MAP2K3: variants seen among roughly 807,000 people sequenced by gnomAD.
The protein encoded by MAP2K3 is dual specificity mitogen-activated protein kinase kinase 3.
In MAP2K3, 30 loss-of-function variants were observed where a neutral mutation model predicts 46.4. The ratio of observed to expected loss-of-function variants is 0.65; its 90% CI spans 0.48 to 0.88. The LOEUF (loss-of-function observed/expected upper bound fraction) is 0.88, where lower values mean the gene tolerates loss of function less well. Ranked by LOEUF, MAP2K3 falls within the 40% of genes least tolerant of loss-of-function variation. The pLI, the probability that MAP2K3 is intolerant of heterozygous loss-of-function variation, is 0.00. For missense variants in MAP2K3, 380 were observed against 464.5 expected (o/e 0.82, Z 1.67); for synonymous variants, 189 against 176.3 (o/e 1.07, Z -0.57).
intron 1 of MAP2K3, chr17:21,287,913 A>AC (rs1203612218): frequency 7.7e-6 from 5 of 651,882 alleles, no homozygotes; most frequent in East Asian, 1.3e-4. Flanking sequence ...TGCTGTGGCC[A>AC]CCCCCCCAAC....
intron 4 of MAP2K3, 46 bp downstream of exon 4, chr17:21,300,704 G>A (rs548881323): frequency 1.5e-5 from 24 of 1,594,818 alleles, no homozygotes; most frequent in East Asian, 1.1e-4. Context: ...TGGAGGAGGC[G>A]GGCTGAGCTC....
At chr17:21,300,405 G>A (rs1976525840) in intron 3 of MAP2K3, 140 bp from the exon 4 acceptor site, 1 of 844,044 alleles carries the variant, frequency 1.2e-6, no homozygotes, top group South Asian at 1.6e-5. Flanking sequence ...GGGTCACACA[G>A]CAGGGAGCGG....
chr17:21,292,128 A>C (rs1414092805), intron 1 of MAP2K3, among the ~76,000 whole-genome samples: 1 of 152,310 alleles, frequency 6.6e-6, no homozygotes, highest in Non-Finnish European at 1.5e-5. Context: ...TGCACTGGAC[A>C]GTCTCTGGGG....
intron 7 of MAP2K3, among the ~76,000 whole-genome samples, chr17:21,303,618 C>T (rs377343959): frequency 6.6e-6 from 1 of 152,312 alleles, no homozygotes; most frequent in Non-Finnish European, 1.5e-5. Flanking sequence ...TCCCTGCCAT[C>T]CCCCATGTGC....
intron 1 of MAP2K3, chr17:21,291,589 A>T (rs1567658678): frequency 2.2e-6 from 1 of 456,404 alleles, no homozygotes; most frequent in Admixed American, 2.3e-5. Context: ...GCTGAGCATC[A>T]CTTGTGGGTC....
intron 1 of MAP2K3, chr17:21,285,214 A>G (rs1378615324): frequency 1.0e-6 from 1 of 984,038 alleles, no homozygotes; most frequent in Non-Finnish European, 1.2e-6. Flanking sequence ...CCAGACTAGG[A>G]CTTTGTTCTG....
At chr17:21,300,789 C>T (rs998216318) in intron 4 of MAP2K3, 85 bp from the exon 5 acceptor site, 10 of 1,610,266 alleles carry the variant, frequency 6.2e-6, no homozygotes, top group African/African-American at 5.3e-5. Flanking sequence ...TGGGCAGTGG[C>T]CCCCTGAGCT....
intron 1 of MAP2K3, 81 bp from the exon 2 acceptor site, chr17:21,298,332 C>G: frequency 6.3e-7 from 1 of 1,591,558 alleles, no homozygotes; most frequent in Non-Finnish European, 8.6e-7. Flanking sequence ...CCTTGTGGGC[C>G]AGGGCCTGAT....
At chr17:21,288,627 A>G (rs1436212036) in intron 1 of MAP2K3, among the ~76,000 whole-genome samples, 1 of 152,190 alleles carries the variant, frequency 6.6e-6, no homozygotes, top group East Asian at 1.9e-4. Flanking sequence ...GCACTCTGTA[A>G]ATGATTTCTG....
At chr17:21,288,412 T>C (rs1975785195) in intron 1 of MAP2K3, among the ~76,000 whole-genome samples, 1 of 152,232 alleles carries the variant, frequency 6.6e-6, no homozygotes, top group African/African-American at 2.4e-5. Flanking sequence ...CACCTCAGGT[T>C]CAGCTGTGCA....
intron 9 of MAP2K3, among the ~76,000 whole-genome samples, chr17:21,309,700 G>T (rs1273397527): frequency 6.6e-6 from 1 of 151,862 alleles, no homozygotes; most frequent in Non-Finnish European, 1.5e-5. Flanking sequence ...TGCAACCTCC[G>T]CCTCCCAGGT....
At chr17:21,291,318 G>GAATAC (rs1567658279) in intron 1 of MAP2K3, 15 of 56,502 alleles carry the variant, frequency 2.7e-4, no homozygotes, top group South Asian at 6.7e-4. Flanking sequence ...CAATACAATA[G>GAATAC]AATACAATAG....
chr17:21,296,472 C>G (rs979734207), intron 1 of MAP2K3, among the ~76,000 whole-genome samples: 80 of 152,382 alleles, frequency 5.2e-4, no homozygotes, highest in African/African-American at 1.8e-3. Context: ...TTGTTGAGCA[C>G]GAGACTTGGG....
At chr17:21,304,179 G>A (rs1164685649) in intron 7 of MAP2K3, among the ~76,000 whole-genome samples, 5 of 152,306 alleles carry the variant, frequency 3.3e-5, no homozygotes, top group East Asian at 1.9e-4. Context: ...TGCAGTGGCC[G>A]GGCCGGGCTG....
chr17:21,295,246 C>T (rs1976173509), intron 1 of MAP2K3, among the ~76,000 whole-genome samples: 1 of 152,312 alleles, frequency 6.6e-6, no homozygotes, highest in East Asian at 1.9e-4. Flanking sequence ...TAGGGCAGAG[C>T]TGCCACGGCC....
chr17:21,310,000 G>GT (rs1189519097), intron 9 of MAP2K3, among the ~76,000 whole-genome samples: 10 of 149,094 alleles, frequency 6.7e-5, no homozygotes, highest in South Asian at 4.3e-4. Context: ...TTTGTTTTTT[G>GT]TTTTTTTTGT....
chr17:21,289,986 AC>A (rs1975840689), intron 1 of MAP2K3, among the ~76,000 whole-genome samples: 1 of 151,874 alleles, frequency 6.6e-6, no homozygotes, highest in African/African-American at 2.4e-5. Flanking sequence ...CCGGGATTGC[AC>A]CTGGCTCTGC....
intron 1 of MAP2K3, among the ~76,000 whole-genome samples, chr17:21,288,984 T>C (rs965594251): frequency 3.9e-5 from 6 of 152,260 alleles, no homozygotes; most frequent in African/African-American, 1.2e-4. Flanking sequence ...TGGTCGAGAT[T>C]GAAGATAGCA....
chr17:21,286,921 C>A (rs143961931), intron 1 of MAP2K3, among the ~76,000 whole-genome samples: 1 of 152,194 alleles, frequency 6.6e-6, no homozygotes, highest in Non-Finnish European at 1.5e-5. Flanking sequence ...CCACAATGCC[C>A]TTCACCAAAA....
Sources: allele counts gnomAD v4.1 joint callset (sites outside exome capture counted in the v4.1 genomes callset), GRCh38; gene constraint gnomAD v4.1.1; transcripts MANE v1.5; gene names NCBI Gene and HGNC (gene_info 2026-07-23, HGNC 2026-07-21).